B3GALT1: variants seen among roughly 807,000 people sequenced by gnomAD.
B3GALT1 encodes beta-1,3-galactosyltransferase 1.
A neutral mutation model predicts 23.2 loss-of-function variants in B3GALT1; 10 were observed. That is an observed-to-expected ratio of 0.43 (90% CI 0.27 to 0.73). The LOEUF (loss-of-function observed/expected upper bound fraction) is 0.73. Among genes scored for constraint, B3GALT1 ranks in the 30% least tolerant of loss-of-function variants. The pLI is 0.21. For missense variants in B3GALT1, 299 were observed against 405.4 expected (o/e 0.74, Z 2.25); for synonymous variants, 156 against 141.5 (o/e 1.10, Z -0.73).
chr2:167,828,935 T>A (rs1689285527), intron 4 of B3GALT1, among the ~76,000 whole-genome samples: 1 of 152,198 alleles, frequency 6.6e-6, no homozygotes. Flanking sequence ...GTGACTGTCA[T>A]CATAAGTTGT....
intron 1 of B3GALT1, among the ~76,000 whole-genome samples, chr2:167,395,769 A>G (rs1173880643): frequency 6.6e-6 from 1 of 152,150 alleles, no homozygotes; most frequent in Non-Finnish European, 1.5e-5. Flanking sequence ...ATTCAAGAAG[A>G]TAATTCATAC....
intron 1 of B3GALT1, among the ~76,000 whole-genome samples, chr2:167,459,700 A>G (rs891460259): frequency 6.6e-6 from 1 of 152,056 alleles, no homozygotes; most frequent in Non-Finnish European, 1.5e-5. Context: ...TGAGTTTTTT[A>G]TTTTTTCATA....
chr2:167,637,530 T>G (rs1685579785), intron 2 of B3GALT1, among the ~76,000 whole-genome samples: 1 of 152,070 alleles, frequency 6.6e-6, no homozygotes, highest in African/African-American at 2.4e-5. Context: ...CTTTTCTAGC[T>G]ATTTTGAAAT....
At chr2:167,644,653 G>A (rs1323167585) in intron 2 of B3GALT1, among the ~76,000 whole-genome samples, 5 of 151,570 alleles carry the variant, frequency 3.3e-5, no homozygotes, top group South Asian at 4.2e-4. Context: ...GGTGGTGGGG[G>A]CCTGTAGTCC....
Position 167,668,913 on chromosome 2 carries a change from G to A in B3GALT1, c.-352+21947G>A, listed in dbSNP as rs78390782. Among the ~76,000 whole-genome samples the A allele has an allele frequency of 8.3e-3, 1,271 of 152,282 alleles. 88 individuals are homozygous for A. The East Asian group carries it at 0.18, about 22-fold the overall frequency. On this transcript the variant is annotated intron_variant, in intron 3 of 4. Transcript: ENST00000392690. ...AATGCAGAGATCACCCGTCTTCTGCGTCGCTCACGCTGGGAGCTATAGACT... is the reference window on the plus strand; with the variant it reads ...AATGCAGAGATCACCCGTCTTCTGCATCGCTCACGCTGGGAGCTATAGACT...
At chr2:167,442,286 C>T (rs1013396328) in intron 1 of B3GALT1, among the ~76,000 whole-genome samples, 1 of 152,092 alleles carries the variant, frequency 6.6e-6, no homozygotes, top group Non-Finnish European at 1.5e-5. Context: ...CATTGTTGGA[C>T]ATTTGGGTTG....
chr2:167,649,487 A>G (rs1685821799), intron 3 of B3GALT1, among the ~76,000 whole-genome samples: 1 of 152,038 alleles, frequency 6.6e-6, no homozygotes, highest in Non-Finnish European at 1.5e-5. Flanking sequence ...GCCCCTGACA[A>G]ACACTAATCT....
At chr2:167,703,037 C>T (rs1270341836) in intron 3 of B3GALT1, among the ~76,000 whole-genome samples, 1 of 152,190 alleles carries the variant, frequency 6.6e-6, no homozygotes, top group Non-Finnish European at 1.5e-5. Flanking sequence ...AGTGAATGCT[C>T]ACCTGGTGGA....
chr2:167,462,918 A>G (rs79306934), intron 1 of B3GALT1, among the ~76,000 whole-genome samples: 3,679 of 152,282 alleles, frequency 0.024, 145 homozygotes, highest in African/African-American at 0.084. Context: ...AAATATGACA[A>G]AAAGGTAAGT....
chr2:167,765,380 C>T (rs1209322204), intron 3 of B3GALT1, among the ~76,000 whole-genome samples: 3 of 152,112 alleles, frequency 2.0e-5, no homozygotes, highest in Admixed American at 2.0e-4. Flanking sequence ...CCTCTTGTTC[C>T]ACTCGGCGCT....
At chr2:167,402,648 G>A (rs1191071067) in intron 1 of B3GALT1, among the ~76,000 whole-genome samples, 7 of 152,086 alleles carry the variant, frequency 4.6e-5, no homozygotes, top group African/African-American at 1.7e-4. Flanking sequence ...ATAAGGCATA[G>A]GGAGTTAAAT....
At chr2:167,788,424 T>C (rs1688378385) in intron 3 of B3GALT1, among the ~76,000 whole-genome samples, 1 of 152,140 alleles carries the variant, frequency 6.6e-6, no homozygotes, top group Non-Finnish European at 1.5e-5. Context: ...CTTGTTTTTC[T>C]GCAACTAGAC....
intron 1 of B3GALT1, among the ~76,000 whole-genome samples, chr2:167,474,812 A>G (rs897056145): frequency 1.3e-5 from 2 of 152,200 alleles, no homozygotes; most frequent in African/African-American, 4.8e-5. Flanking sequence ...AGATGTTAAA[A>G]TGTAAATTAT....
chr2:167,467,947 A>G (rs941090370), intron 1 of B3GALT1, among the ~76,000 whole-genome samples: 23 of 152,226 alleles, frequency 1.5e-4, no homozygotes, highest in Non-Finnish European at 4.4e-5. Context: ...AAAGTAGATA[A>G]TAAGCAACCA....
chr2:167,719,362 G>A (rs941167744), intron 3 of B3GALT1, among the ~76,000 whole-genome samples: 4 of 152,110 alleles, frequency 2.6e-5, no homozygotes, highest in Admixed American at 6.5e-5. Flanking sequence ...CAGATTCCGC[G>A]AATGTGTGCT....
intron 1 of B3GALT1, among the ~76,000 whole-genome samples, chr2:167,312,474 CAAG>C (rs979307754): frequency 2.8e-4 from 43 of 151,888 alleles, no homozygotes; most frequent in African/African-American, 1.0e-3. Flanking sequence ...TAAAAATAGA[CAAG>C]AAGTAAAATG....
At chr2:167,663,305 G>A (rs945996020) in intron 3 of B3GALT1, among the ~76,000 whole-genome samples, 1 of 151,654 alleles carries the variant, frequency 6.6e-6, no homozygotes, top group African/African-American at 2.4e-5. Flanking sequence ...TTTTTTTATG[G>A]CTGCATAGTA....
At chr2:167,564,544 C>T (rs1417948708) in intron 2 of B3GALT1, among the ~76,000 whole-genome samples, 5 of 152,194 alleles carry the variant, frequency 3.3e-5, no homozygotes, top group Non-Finnish European at 7.3e-5. Flanking sequence ...CGAGCCGAGA[C>T]CACGCCACTG....
chr2:167,461,107 C>T (rs1019581614), intron 1 of B3GALT1, among the ~76,000 whole-genome samples: 1 of 152,090 alleles, frequency 6.6e-6, no homozygotes, highest in Non-Finnish European at 1.5e-5. Flanking sequence ...ATTGTCTGCA[C>T]GTCTGTGATC....
Sources: allele counts gnomAD v4.1 joint callset (sites outside exome capture counted in the v4.1 genomes callset), GRCh38; gene constraint gnomAD v4.1.1; transcripts MANE v1.5; gene names NCBI Gene and HGNC (gene_info 2026-07-23, HGNC 2026-07-21).